Variants in SLC9B2 observed in about 807,000 individuals in gnomAD.
SLC9B2 encodes the protein solute carrier family 9 member B2.
SLC9B2 carries 39 observed loss-of-function variants against 52.2 expected under a neutral mutation model. The observed-to-expected ratio is 0.75, with a 90% CI of 0.58 to 0.98. The LOEUF is 0.98. SLC9B2 is among the 50% of genes least tolerant of loss of function. The pLI is 0.00. For synonymous variants in SLC9B2, 214 were observed against 227.0 expected (o/e 0.94, Z 0.51); for missense variants, 626 against 637.5 (o/e 0.98, Z 0.19).
chr4:103,052,955 G>C (rs1438259993), intron 4 of SLC9B2, among the ~76,000 whole-genome samples: 2 of 152,082 alleles, frequency 1.3e-5, no homozygotes, highest in Non-Finnish European at 2.9e-5. Flanking sequence ...ACCTGATTTT[G>C]ATTTGGCACA....
At chr4:103,061,633 C>T (rs1218365053) in intron 3 of SLC9B2, among the ~76,000 whole-genome samples, 2 of 151,994 alleles carry the variant, frequency 1.3e-5, no homozygotes, top group Non-Finnish European at 2.9e-5. Context: ...ACGTCGTGCA[C>T]ATGTACCCTA....
chr4:103,031,618 G>A (rs1742707834), intron 10 of SLC9B2, 82 bp downstream of exon 10: 2 of 948,856 alleles, frequency 2.1e-6, no homozygotes, highest in Middle Eastern at 4.3e-4. Context: ...ATATTTCAAT[G>A]AATATAAAAA....
intron 1 of SLC9B2, 141 bp downstream of exon 1, chr4:103,076,043 A>G (rs968527933): frequency 2.6e-5 from 4 of 152,338 alleles, no homozygotes; most frequent in African/African-American, 9.6e-5. Flanking sequence ...TTACAACAGT[A>G]AACAGACACG....
At chr4:103,063,429 C>T (rs570159613) in intron 3 of SLC9B2, among the ~76,000 whole-genome samples, 4 of 152,042 alleles carry the variant, frequency 2.6e-5, no homozygotes, top group Non-Finnish European at 5.9e-5. Flanking sequence ...TCTTTCAGAG[C>T]CCACAAAGTA....
At chr4:103,054,024 T>C (rs1744910628) in intron 4 of SLC9B2, among the ~76,000 whole-genome samples, 1 of 152,098 alleles carries the variant, frequency 6.6e-6, no homozygotes, top group Admixed American at 6.6e-5. Context: ...ACACCTGTAA[T>C]CCCAGCATTT....
At chr4:103,049,043 C>T in intron 5 of SLC9B2, 23 bp from the exon 6 acceptor site, 1 of 1,610,224 alleles carries the variant, frequency 6.2e-7, no homozygotes, top group Non-Finnish European at 8.5e-7. Context: ...AGTAGACATC[C>T]TAATATAATC....
Position 103,050,365 on chromosome 4 carries a change from A to G in SLC9B2, c.460T>C (p.Phe154Leu). 6.3e-7 allele frequency: 1 copy of G among 1,599,066 alleles called. No individual in the cohort carries two copies. The highest frequency in any genetic ancestry group is 1.1e-5 in the South Asian group (1 of 87,640). ...ATGACTGGGATATTTCTGATGAGAAACCCTGCAAGCAGCATGCCTTGAACG... is the reference window on the plus strand; with the variant it reads ...ATGACTGGGATATTTCTGATGAGAAGCCCTGCAAGCAGCATGCCTTGAACG... ...PSLLGMLLAG[F>L]LIRNIPVIND... Residue 154 changes from phenylalanine to leucine, a missense_variant, in exon 5 of 12, where the codon TTT (phenylalanine) becomes CTT (leucine). Transcript: ENST00000394785.
Position 103,026,460 on chromosome 4 carries a change from A to T in SLC9B2, c.1524T>A (p.Leu508=). The part of the protein sequence containing the change: ...ILITAPIGSL[L]IGLLGPRLLQ... ...GAAGCCTGGGGCCCAGTAAACCAATAAGCAGACTTCCAATTGGGGCTGTGA... is the reference window on the plus strand; with the variant it reads ...GAAGCCTGGGGCCCAGTAAACCAATTAGCAGACTTCCAATTGGGGCTGTGA... Residue 508 remains leucine (L), a synonymous_variant, in exon 12 of 12, where the codon CTT becomes CTA. Coordinates refer to ENST00000394785, the MANE Select transcript of SLC9B2 (RefSeq NM_178833.7). 1 of 1,613,902 alleles carries T rather than the reference A, an allele frequency of 6.2e-7. No homozygotes were observed. Among genetic ancestry groups the T allele is most frequent in the Non-Finnish European group, 8.5e-7 (1 of 1,179,874 alleles).
At chr4:103,071,147 AGATTTTCTTATGTAG>A (rs983690456) in intron 1 of SLC9B2, among the ~76,000 whole-genome samples, 7 of 151,898 alleles carry the variant, frequency 4.6e-5, no homozygotes, top group South Asian at 4.2e-4. Context: ...TTTCTAAGAA[AGATTTTCTTATGTAG>A]GATTTTCTTA....
intron 1 of SLC9B2, among the ~76,000 whole-genome samples, chr4:103,070,527 G>A (rs1258522687): frequency 1.4e-4 from 22 of 152,268 alleles, no homozygotes; most frequent in African/African-American, 4.8e-4. Context: ...TGCAACCTCC[G>A]CCGCCTGGGT....
intron 11 of SLC9B2, among the ~76,000 whole-genome samples, chr4:103,027,815 G>A (rs1742359616): frequency 6.6e-6 from 1 of 152,076 alleles, no homozygotes; most frequent in African/African-American, 2.4e-5. Flanking sequence ...GGGGTGAGGG[G>A]AATTCTGGAG....
chr4:103,042,608 T>A (rs1326070638), intron 9 of SLC9B2, among the ~76,000 whole-genome samples: 1 of 151,328 alleles, frequency 6.6e-6, no homozygotes, highest in Non-Finnish European at 1.5e-5. Flanking sequence ...AGATATATTT[T>A]TAATTCATAA....
rs1443872158 is a variant in SLC9B2 at position 103,026,260 on chromosome 4, CA to C, written c.*109del. 1 of 1,001,240 alleles carries C rather than the reference CA, an allele frequency of 1.0e-6. No individual in the cohort carries two copies. Among genetic ancestry groups the C allele is most frequent in the African/African-American group, 1.6e-5 (1 of 61,514 alleles). The allele number at this position is 1,001,240 out of a possible 1,614,324, so 62.0% of individuals were successfully genotyped here. On this transcript the variant is annotated 3_prime_UTR_variant, in exon 12 of 12. Transcript: ENST00000394785. ...AAAATGCTGTTTAAAGAAACAGCTACACTTTTGGTTCTATTACATTTTAAGC... is the reference window on the plus strand; with the variant it reads ...AAAATGCTGTTTAAAGAAACAGCTACCTTTTGGTTCTATTACATTTTAAGC...
chr4:103,018,734 C>G (rs963460212), downstream of SLC9B2, among the ~76,000 whole-genome samples: 3 of 152,276 alleles, frequency 2.0e-5, no homozygotes, highest in Middle Eastern at 3.4e-3. Flanking sequence ...GTGACAGACA[C>G]AGTATGTGTG....
intron 8 of SLC9B2, 98 bp downstream of exon 8, chr4:103,044,792 C>G: frequency 1.0e-6 from 1 of 977,416 alleles, no homozygotes; most frequent in Non-Finnish European, 1.6e-6. Flanking sequence ...ACCATTTGCT[C>G]AAACATGTCC....
chr4:103,051,639 A>G (rs1253133358), intron 4 of SLC9B2, among the ~76,000 whole-genome samples: 2 of 152,252 alleles, frequency 1.3e-5, no homozygotes, highest in African/African-American at 4.8e-5. Flanking sequence ...GACAAAATGT[A>G]AAGTGACAAG....
At chr4:103,051,624 T>C (rs1268561151) in intron 4 of SLC9B2, among the ~76,000 whole-genome samples, 1 of 152,204 alleles carries the variant, frequency 6.6e-6, no homozygotes, top group East Asian at 1.9e-4. Flanking sequence ...AATTAAGACA[T>C]TGCTGACAAA....
intron 1 of SLC9B2, among the ~76,000 whole-genome samples, chr4:103,072,304 G>A (rs1344118030): frequency 6.6e-6 from 1 of 152,014 alleles, no homozygotes; most frequent in East Asian, 1.9e-4. Context: ...TGATCTGCCC[G>A]CCTTGGCCTC....
chr4:103,045,080 T>C, intron 7 of SLC9B2, 84 bp from the exon 8 acceptor site: 1 of 859,608 alleles, frequency 1.2e-6, no homozygotes, highest in Non-Finnish European at 1.9e-6. Context: ...ATGAAGCATC[T>C]AATTACAAAG....
Sources: allele counts gnomAD v4.1 joint callset (sites outside exome capture counted in the v4.1 genomes callset), GRCh38; gene constraint gnomAD v4.1.1; transcripts MANE v1.5; gene names NCBI Gene and HGNC (gene_info 2026-07-23, HGNC 2026-07-21).